The following TRIM9 variants were observed in gnomAD, a reference collection of about 807,000 sequenced individuals.
The protein encoded by TRIM9 is tripartite motif containing 9.
In TRIM9, 26 loss-of-function variants were observed where a neutral mutation model predicts 78.3. That is an observed-to-expected ratio of 0.33 (90% CI 0.24 to 0.46). The LOEUF is 0.46. TRIM9 is among the 20% of genes least tolerant of loss of function. The pLI, the probability that TRIM9 is intolerant of heterozygous loss-of-function variation, is 1.00. For missense variants in TRIM9, 787 were observed against 1,036.4 expected, an observed-to-expected ratio of 0.76 and a Z score of 3.30; for synonymous variants, 398 against 416.5, an observed-to-expected ratio of 0.96 and a Z score of 0.54.
intron 1 of TRIM9, among the ~76,000 whole-genome samples, chr14:51,032,683 G>C (rs531126813): frequency 3.3e-5 from 5 of 152,308 alleles, no homozygotes; most frequent in African/African-American, 4.8e-5. Context: ...TCTGTGTCCA[G>C]GGAACCCAGT....
chr14:51,070,047 A>C (rs2062080097), intron 1 of TRIM9, among the ~76,000 whole-genome samples: 1 of 152,182 alleles, frequency 6.6e-6, no homozygotes, highest in Admixed American at 6.6e-5. Context: ...TTCAGCTCTA[A>C]TTCAATAAAC....
Position 51,077,386 on chromosome 14 carries a change from GTTTTTTTTTTTT to G in TRIM9, c.822+16720_822+16731del, listed in dbSNP as rs146912763. ...GGCCCTCAGTCTCATCTCCAATTCT[GTTTTTTTTTTTT>G]TTTTTTTTTTTTGAGACAGTGTCTT... On this transcript the variant is annotated intron_variant, in intron 1 of 12. Coordinates refer to ENST00000684578, the MANE Select transcript of TRIM9 (RefSeq NM_001387360.1). Among the ~76,000 whole-genome samples, 101 of 97,734 alleles carry G rather than the reference GTTTTTTTTTTTT, an allele frequency of 1.0e-3. 3 individuals carry two copies. Among genetic ancestry groups the G allele is most frequent in the Non-Finnish European group, 6.9e-4 (36 of 52,522 alleles). 64.1% of individuals were successfully genotyped at this position (97,734 alleles called of 152,430 possible). A position where few individuals can be genotyped will look rare whatever the true frequency, so the allele number is the denominator to read the frequency against.
chr14:51,079,426 T>C (rs1596321852), intron 1 of TRIM9, among the ~76,000 whole-genome samples: 1 of 152,368 alleles, frequency 6.6e-6, no homozygotes, highest in East Asian at 1.9e-4. Flanking sequence ...ATTTGTCCTA[T>C]TTCATTTCCA....
At chr14:51,083,529 T>C (rs4450305) in intron 1 of TRIM9, among the ~76,000 whole-genome samples, 53,510 of 151,914 alleles carry the variant, frequency 0.35, 9,765 homozygotes, top group Admixed American at 0.42. Context: ...AGGTGTGAGG[T>C]ACCATGCCCA....
chr14:51,012,336 C>A (rs973925460), intron 3 of TRIM9, among the ~76,000 whole-genome samples: 4 of 152,180 alleles, frequency 2.6e-5, no homozygotes, highest in African/African-American at 9.7e-5. Context: ...TAATATTTGT[C>A]CTTTTGTGAC....
intron 1 of TRIM9, among the ~76,000 whole-genome samples, chr14:51,036,232 T>C (rs2059141036): frequency 6.6e-6 from 1 of 152,228 alleles, no homozygotes; most frequent in Non-Finnish European, 1.5e-5. Context: ...CAACGTCATG[T>C]TGGTAGTGTA....
chr14:51,061,809 T>C (rs539620389), intron 1 of TRIM9, among the ~76,000 whole-genome samples: 2 of 152,358 alleles, frequency 1.3e-5, no homozygotes, highest in Non-Finnish European at 2.9e-5. Context: ...GTAAGCTTTT[T>C]GGATCTGTGA....
At position 51,025,342 on chromosome 14, in the gene TRIM9, G is replaced by A. The variant is rs748839501; in HGVS notation, c.841C>T (p.Leu281=). 3 of 1,614,140 alleles carry A rather than the reference G, an allele frequency of 1.9e-6. No individual in the cohort carries two copies. The highest frequency in any genetic ancestry group is 2.5e-6 in the Non-Finnish European group (3 of 1,180,024). Residue 281 remains leucine (L), a synonymous_variant, in exon 2 of 13, where the codon CTG becomes TTG. Coordinates refer to ENST00000684578, the MANE Select transcript of TRIM9 (RefSeq NM_001387360.1). ...TTGGCCCTGTCTGACAGTCCGTTCA[G>A]CGCCTGGGAGAGCTGGCTCTGCAAA... ...KLHKSQLSQA[L]NGLSDRAKEA... is the part of the protein sequence containing the mutation.
intron 1 of TRIM9, among the ~76,000 whole-genome samples, chr14:51,028,307 ACTT>A (rs1259364999): frequency 1.3e-5 from 2 of 152,342 alleles, no homozygotes; most frequent in East Asian, 3.9e-4. Context: ...AGCTTTGTCC[ACTT>A]GTAGAAATTG....
chr14:51,001,780 T>A, intron 5 of TRIM9, among the ~76,000 whole-genome samples: 1 of 152,166 alleles, frequency 6.6e-6, no homozygotes, highest in East Asian at 1.9e-4. Flanking sequence ...GAACCTGATG[T>A]CATTCTCTCA....
chr14:51,036,680 C>T (rs2059181850), intron 1 of TRIM9, among the ~76,000 whole-genome samples: 1 of 152,106 alleles, frequency 6.6e-6, no homozygotes, highest in Non-Finnish European at 1.5e-5. Flanking sequence ...TTATTTTTTT[C>T]TCAAGTATTT....
chr14:51,081,269 A>C (rs886414398), intron 1 of TRIM9, among the ~76,000 whole-genome samples: 6 of 152,248 alleles, frequency 3.9e-5, no homozygotes, highest in African/African-American at 1.4e-4. Flanking sequence ...ACTAGTCATT[A>C]GGGAAATGCA....
rs115069869 is a variant in TRIM9 at position 51,053,952 on chromosome 14, A to G, written c.823-28592T>C. Among the ~76,000 whole-genome samples the G allele has an allele frequency of 8.1e-3, 1,236 of 152,352 alleles. 27 individuals carry two copies. The highest frequency in any genetic ancestry group is 0.027 in the African/African-American group (1,135 of 41,572). On this transcript the variant is annotated intron_variant, in intron 1 of 12. Coordinates refer to ENST00000684578, the MANE Select transcript of TRIM9 (RefSeq NM_001387360.1). ...GCTGTCTTAAAATCACTAATAAAGC[A>G]TGTTATCAGTTTAATCAGCTACCAT... is the stretch of plus-strand genomic sequence containing the variant.
intron 5 of TRIM9, among the ~76,000 whole-genome samples, chr14:51,006,323 T>C (rs1486740182): frequency 6.6e-6 from 1 of 152,210 alleles, no homozygotes; most frequent in Admixed American, 6.5e-5. Flanking sequence ...TATTTTTTAC[T>C]GACAAGTTGT....
intron 1 of TRIM9, among the ~76,000 whole-genome samples, chr14:51,052,267 A>T (rs1331052193): frequency 3.3e-5 from 5 of 152,154 alleles, no homozygotes; most frequent in African/African-American, 1.2e-4. Flanking sequence ...TGTAAAGCAA[A>T]CTACCAACTC....
chr14:50,997,724 GC>G, intron 7 of TRIM9: 1 of 1,249,348 alleles, frequency 8.0e-7, no homozygotes, highest in Non-Finnish European at 1.0e-6. Context: ...CTGCTCTAGA[GC>G]CTAGATACAT....
At chr14:51,084,592 T>C (rs1408864444) in intron 1 of TRIM9, among the ~76,000 whole-genome samples, 2 of 152,222 alleles carry the variant, frequency 1.3e-5, no homozygotes, top group Non-Finnish European at 2.9e-5. Flanking sequence ...ATCTGTGCCA[T>C]GTTAGACTTA....
intron 1 of TRIM9, among the ~76,000 whole-genome samples, chr14:51,093,200 T>C (rs915228409): frequency 6.6e-6 from 1 of 152,204 alleles, no homozygotes; most frequent in East Asian, 1.9e-4. Flanking sequence ...ACAGAATATG[T>C]TGCTAAAGCC....
At chr14:51,030,462 T>C (rs2058629012) in intron 1 of TRIM9, among the ~76,000 whole-genome samples, 2 of 152,170 alleles carry the variant, frequency 1.3e-5, no homozygotes, top group Admixed American at 6.5e-5. Flanking sequence ...CCAATTTATC[T>C]CTAAGCCCAG....
Sources: gnomAD v4.1 joint callset for allele counts (sites outside exome capture counted in the v4.1 genomes callset) on GRCh38, gnomAD v4.1.1 for gene constraint, MANE v1.5 for transcripts, NCBI Gene and HGNC (gene_info 2026-07-23, HGNC 2026-07-21) for gene names.